MTRF1: variants seen among roughly 807,000 people sequenced by gnomAD.
MTRF1 encodes the protein peptide chain release factor 1, mitochondrial.
A neutral mutation model predicts 62.9 loss-of-function variants in MTRF1; 51 were observed. The observed-to-expected ratio is 0.81, with a 90% CI of 0.65 to 1.02. The LOEUF (loss-of-function observed/expected upper bound fraction) is 1.02. MTRF1 is among the 50% of genes least tolerant of loss of function. The pLI is 0.00. For missense variants in MTRF1, 446 were observed against 530.0 expected (o/e 0.84, Z 1.56); for synonymous variants, 158 against 181.9 (o/e 0.87, Z 1.06).
At chr13:41,235,306 T>C (rs2036302791) in intron 6 of MTRF1, 1 of 152,206 alleles carries the variant, frequency 6.6e-6, no homozygotes. Flanking sequence ...TAACAAATAC[T>C]GAACCATTAC....
chr13:41,228,281 AG>A (rs1484980370), intron 7 of MTRF1, among the ~76,000 whole-genome samples: 1 of 152,150 alleles, frequency 6.6e-6, no homozygotes, highest in Non-Finnish European at 1.5e-5. Context: ...GAATAATAGA[AG>A]GGGGCTGGGC....
chr13:41,311,323 G>C, the MTRF1 span: 130 of 569,474 alleles, frequency 2.3e-4, no homozygotes, highest in African/African-American at 2.1e-3. Flanking sequence ...CCCAGGGGAA[G>C]CGTGTCCTGC....
chr13:41,233,881 C>T lies in MTRF1; in HGVS notation c.988+9G>A, dbSNP rs1466338683. 6.3e-7 allele frequency: 1 copy of T among 1,596,904 alleles called. No homozygotes were observed. The highest frequency in any genetic ancestry group is 8.6e-7 in the Non-Finnish European group (1 of 1,164,308). On this transcript the variant is annotated intron_variant, in intron 7 of 9. Transcript: ENST00000379480. ...GGGTTAAAAGTACAAAGCCAAGGGGCTTGCTTACCTGTGGGGATGTGGACA... is the reference window on the plus strand; with the variant it reads ...GGGTTAAAAGTACAAAGCCAAGGGGTTTGCTTACCTGTGGGGATGTGGACA...
chr13:41,271,109 T>A, the MTRF1 span, among the ~76,000 whole-genome samples: 1 of 151,566 alleles, frequency 6.6e-6, no homozygotes, highest in East Asian at 1.9e-4. Context: ...TAGCTTTTAC[T>A]TCAAAGCTTT....
chr13:41,249,010 CTT>C (rs2139054732), intron 5 of MTRF1, among the ~76,000 whole-genome samples: 1 of 152,156 alleles, frequency 6.6e-6, no homozygotes, highest in Non-Finnish European at 1.5e-5. Context: ...AATGACATGA[CTT>C]TGAAAGTCAC....
upstream of MTRF1, among the ~76,000 whole-genome samples, chr13:41,266,251 C>T (rs1022370768): frequency 6.6e-6 from 1 of 152,098 alleles, no homozygotes; most frequent in African/African-American, 2.4e-5. Flanking sequence ...AGCTACTGCA[C>T]CTGGCCCAGT....
At chr13:41,305,584 GGA>G in the MTRF1 span, among the ~76,000 whole-genome samples, 1 of 152,162 alleles carries the variant, frequency 6.6e-6, no homozygotes, top group African/African-American at 2.4e-5. Context: ...TAACCAGAGA[GGA>G]GAGACAAGTT....
chr13:41,221,156 CTTT>C (rs373390151), intron 9 of MTRF1, among the ~76,000 whole-genome samples: 1 of 140,764 alleles, frequency 7.1e-6, no homozygotes. Flanking sequence ...GTTATTCACT[CTTT>C]TTTTTTTTTT....
the MTRF1 span, among the ~76,000 whole-genome samples, chr13:41,273,052 CAT>C: frequency 6.6e-6 from 1 of 152,110 alleles, no homozygotes; most frequent in Non-Finnish European, 1.5e-5. Context: ...TATGGCTGGG[CAT>C]GGTGGCTCAC....
In MTRF1 at chr13:41,226,682, C is replaced by T. The variant is rs1166056577; in HGVS notation, c.989-114G>A. ...AGGAAAAGATCACAAAAGATACAAACATTTTAGGTTTAGCACACTTCAGAA... is the reference window on the plus strand; with the variant it reads ...AGGAAAAGATCACAAAAGATACAAATATTTTAGGTTTAGCACACTTCAGAA... On this transcript the variant is annotated intron_variant, in intron 7 of 9. Transcript: ENST00000379480. 1.1e-5 allele frequency: 14 copies of T among 1,256,588 alleles called. No homozygotes were observed. In the African/African-American group the frequency reaches 2.0e-4, roughly 18 times the overall value. The allele number at this position is 1,256,588 out of a possible 1,614,324, so 77.8% of individuals were successfully genotyped here.
the MTRF1 span, among the ~76,000 whole-genome samples, chr13:41,294,828 A>G: frequency 1.3e-5 from 2 of 152,210 alleles, no homozygotes; most frequent in African/African-American, 4.8e-5. Context: ...TAATTAAAGG[A>G]AATTACTTAT....
upstream of MTRF1, among the ~76,000 whole-genome samples, chr13:41,265,998 C>T (rs1486774562): frequency 2.0e-5 from 3 of 152,052 alleles, no homozygotes; most frequent in Admixed American, 6.6e-5. Flanking sequence ...TACAGGTGCA[C>T]ACCACCACGC....
chr13:41,229,691 C>G (rs1424850566), intron 7 of MTRF1: 1 of 152,204 alleles, frequency 6.6e-6, no homozygotes, highest in East Asian at 1.9e-4. Flanking sequence ...CTAATTATTA[C>G]TGTTCTGGAC....
chr13:41,280,295 T>A, the MTRF1 span, among the ~76,000 whole-genome samples: 6 of 152,208 alleles, frequency 3.9e-5, no homozygotes, highest in Non-Finnish European at 8.8e-5. Flanking sequence ...TCAGATAAAC[T>A]CAGCCAATTG....
the MTRF1 span, among the ~76,000 whole-genome samples, chr13:41,274,490 T>C: frequency 5.9e-5 from 9 of 152,124 alleles, no homozygotes; most frequent in Non-Finnish European, 1.3e-4. Flanking sequence ...AACCGGTAGA[T>C]GTTATAACTG....
At chr13:41,284,187 T>C in the MTRF1 span, among the ~76,000 whole-genome samples, 46 of 150,686 alleles carry the variant, frequency 3.1e-4, no homozygotes, top group African/African-American at 1.1e-3. Context: ...ACAAAAAAAT[T>C]AAAAGTTAGC....
At chr13:41,241,687 A>G (rs975487711) in intron 5 of MTRF1, among the ~76,000 whole-genome samples, 23 of 152,186 alleles carry the variant, frequency 1.5e-4, no homozygotes, top group African/African-American at 5.5e-4. Flanking sequence ...CATTGCTTTC[A>G]TTTCCTACAA....
intron 9 of MTRF1, 26 bp downstream of exon 9, chr13:41,223,230 A>C: frequency 6.7e-7 from 1 of 1,503,116 alleles, no homozygotes; most frequent in Non-Finnish European, 9.2e-7. Context: ...AATCAAAGGT[A>C]GGCAAAGCAT....
chr13:41,224,471 A>G (rs1418781653), intron 8 of MTRF1, among the ~76,000 whole-genome samples: 4 of 152,206 alleles, frequency 2.6e-5, no homozygotes, highest in African/African-American at 7.2e-5. Flanking sequence ...CATTAGAAGA[A>G]TTTTTTTAAA....
Sources: allele counts gnomAD v4.1 joint callset (sites outside exome capture counted in the v4.1 genomes callset), GRCh38; gene constraint gnomAD v4.1.1; transcripts MANE v1.5; gene names NCBI Gene and HGNC (gene_info 2026-07-23, HGNC 2026-07-21).